The following PRDM10 variants were observed in gnomAD, a reference collection of about 807,000 sequenced individuals.
PRDM10 encodes the protein PR/SET domain 10.
PRDM10 carries 65 observed loss-of-function variants against 133.1 expected under a neutral mutation model. That is an observed-to-expected ratio of 0.49 (90% CI 0.40 to 0.60). The LOEUF is 0.60. PRDM10 is among the 20% of genes least tolerant of loss of function. The probability of loss-of-function intolerance (pLI) is 0.00; values close to 1 mark genes in which losing one functional copy is unlikely to be tolerated. For missense variants in PRDM10, 1,137 were observed against 1,507.1 expected, an observed-to-expected ratio of 0.75 and a Z score of 4.07; for synonymous variants, 582 against 580.4, an observed-to-expected ratio of 1.00 and a Z score of -0.04.
rs575867688 is a variant in PRDM10, at chr11:129,980,221, G to T, written c.-118-19139C>A. Among the ~76,000 whole-genome samples the T allele has an allele frequency of 3.3e-5, 5 of 151,194 alleles. No homozygotes were observed. The South Asian group carries it at 1.1e-3, about 32-fold the overall frequency. On this transcript the variant is annotated intron_variant, in intron 1 of 20. Coordinates refer to ENST00000360871, the MANE Select transcript of PRDM10 (RefSeq NM_199437.2). ...ACAGACCCTGGAGAAAGGAAAACAT[G>T]AATCTACACAAAGACTTAGACACAA...
chr11:129,915,538 C>T, intron 16 of PRDM10, 122 bp downstream of exon 16: 1 of 1,103,934 alleles, frequency 9.1e-7, no homozygotes, highest in Non-Finnish European at 1.3e-6. Context: ...GACAACATCT[C>T]TTTCAGTCCC....
intron 11 of PRDM10, among the ~76,000 whole-genome samples, chr11:129,927,104 C>T (rs1950700247): frequency 7.0e-6 from 1 of 143,542 alleles, no homozygotes; most frequent in Admixed American, 7.4e-5. Flanking sequence ...GCTGTAATCC[C>T]AGCTACTTGG....
intron 6 of PRDM10, among the ~76,000 whole-genome samples, chr11:129,944,271 A>G (rs1951316278): frequency 6.6e-6 from 1 of 152,110 alleles, no homozygotes; most frequent in Admixed American, 6.6e-5. Flanking sequence ...AGCCCCCCAG[A>G]ATAATTCATA....
intron 16 of PRDM10, 27 bp from the exon 17 acceptor site, chr11:129,915,045 A>T (rs1565455925): frequency 6.4e-6 from 10 of 1,550,868 alleles, no homozygotes; most frequent in Non-Finnish European, 7.9e-6. Context: ...AAAAACAAGA[A>T]TAATTATTAG....
chr11:129,925,289 C>T, intron 11 of PRDM10, 60 bp from the exon 12 acceptor site: 4 of 1,441,540 alleles, frequency 2.8e-6, no homozygotes, highest in South Asian at 1.3e-5. Context: ...AACTGGATCA[C>T]ACTTTTACAG....
In PRDM10 at chr11:129,971,834, A is replaced by C. The variant is rs193161052; in HGVS notation, c.-118-10752T>G. On this transcript the variant is annotated intron_variant, in intron 1 of 20. Transcript: ENST00000360871. ...TGCCAGTCCCGTGCCGTGCGCTCGC[A>C]TTCCTCAGCCCTTGGGTGGTCGATG... Among the ~76,000 whole-genome samples, 793 of 152,344 alleles carry C rather than the reference A, an allele frequency of 5.2e-3. 2 individuals are homozygous for C. The highest frequency in any genetic ancestry group is 0.016 in the African/African-American group (659 of 41,586).
intron 10 of PRDM10, among the ~76,000 whole-genome samples, chr11:129,931,571 A>C (rs868645625): frequency 2.2e-5 from 3 of 135,480 alleles, no homozygotes; most frequent in Non-Finnish European, 4.8e-5. Context: ...ATTTTATTTT[A>C]TTTTATTTTT....
At chr11:129,984,841 C>A (rs1159854980) in intron 1 of PRDM10, among the ~76,000 whole-genome samples, 2 of 152,200 alleles carry the variant, frequency 1.3e-5, no homozygotes, top group African/African-American at 4.8e-5. Context: ...TGGCAACAGC[C>A]ATCTCCTCTG....
intron 11 of PRDM10, among the ~76,000 whole-genome samples, chr11:129,927,369 G>A (rs938599091): frequency 9.9e-5 from 15 of 152,036 alleles, no homozygotes; most frequent in African/African-American, 2.9e-4. Flanking sequence ...TATTGCTGAT[G>A]AACCAATACT....
chr11:129,908,178 A>T (rs972772941), intron 19 of PRDM10, among the ~76,000 whole-genome samples: 4 of 152,062 alleles, frequency 2.6e-5, no homozygotes, highest in Admixed American at 6.5e-5. Context: ...TTTTTAAAAA[A>T]TAGTTTTTTT....
At chr11:129,985,795 A>T (rs1565511996) in intron 1 of PRDM10, among the ~76,000 whole-genome samples, 10 of 121,880 alleles carry the variant, frequency 8.2e-5, no homozygotes, top group African/African-American at 3.5e-4. Context: ...AAAAAAAAAA[A>T]AAAAAAAAAA....
chr11:129,905,881 G>T, intron 19 of PRDM10, 140 bp from the exon 20 acceptor site: 1 of 729,966 alleles, frequency 1.4e-6, no homozygotes, highest in Non-Finnish European at 2.3e-6. Flanking sequence ...TCTTGGTGCC[G>T]TGAAAGCATC....
At chr11:129,908,450 C>T (rs1016862088) in intron 19 of PRDM10, among the ~76,000 whole-genome samples, 2 of 152,170 alleles carry the variant, frequency 1.3e-5, no homozygotes, top group South Asian at 2.1e-4. Context: ...CCACCCTGGA[C>T]GACAGAGCAA....
rs1949850962 is a variant in PRDM10 at position 129,901,805 on chromosome 11, A to T, written c.*508T>A. On this transcript the variant is annotated 3_prime_UTR_variant, in exon 21 of 21. Coordinates refer to ENST00000360871, the MANE Select transcript of PRDM10 (RefSeq NM_199437.2). ...GTCAAACTTTTGTTTCATCATTTTA[A>T]TTTTGTTATTCAGCAGGCTCCCTTT... 1 of 152,594 alleles carries T rather than the reference A, an allele frequency of 6.6e-6. No homozygotes were observed. The allele number at this position is 152,594 out of a possible 1,614,324, so 9.5% of individuals were successfully genotyped here. A position where few individuals can be genotyped will look rare whatever the true frequency, so the allele number is the denominator to read the frequency against.
At chr11:129,993,235 T>C (rs936521504) in intron 1 of PRDM10, among the ~76,000 whole-genome samples, 2 of 152,240 alleles carry the variant, frequency 1.3e-5, no homozygotes, top group African/African-American at 2.4e-5. Flanking sequence ...TTTCTCCTTT[T>C]CTGAAGTGGC....
Position 129,942,546 on chromosome 11 carries a change from G to A in PRDM10, c.846C>T (p.Asn282=). 6.2e-7 allele frequency: 1 copy of A among 1,613,376 alleles called. No individual in the cohort carries two copies. Among genetic ancestry groups the A allele is most frequent in the Non-Finnish European group, 8.5e-7 (1 of 1,179,784 alleles). The change falls in exon 7 of 21, where the codon AAC becomes AAT. Residue 282 remains asparagine (N), a synonymous_variant. Transcript: ENST00000360871. ...GGGCTGGCCGTACAAACATCATCCA[G>A]TTACAAAGCGTCTCATCAGACAACT... ...WFELSDETLC[N]WMMFVRPAQN...
At chr11:129,965,044 G>A (rs1450028769) in intron 1 of PRDM10, among the ~76,000 whole-genome samples, 2 of 152,114 alleles carry the variant, frequency 1.3e-5, no homozygotes, top group African/African-American at 2.4e-5. Flanking sequence ...GGTGGCTCAC[G>A]CCTGTAATCC....
intron 11 of PRDM10, among the ~76,000 whole-genome samples, chr11:129,925,772 T>A (rs1441653493): frequency 2.6e-5 from 4 of 152,030 alleles, no homozygotes; most frequent in Non-Finnish European, 4.4e-5. Flanking sequence ...AGCGGCAGGA[T>A]GGAGAAGGAA....
At chr11:129,963,844 T>C (rs974755863) in intron 1 of PRDM10, among the ~76,000 whole-genome samples, 2 of 152,164 alleles carry the variant, frequency 1.3e-5, no homozygotes, top group African/African-American at 4.8e-5. Flanking sequence ...GAATGTCCTT[T>C]AAAAAGAATA....
Sources: gnomAD v4.1 joint callset for allele counts (sites outside exome capture counted in the v4.1 genomes callset) on GRCh38, gnomAD v4.1.1 for gene constraint, MANE v1.5 for transcripts, NCBI Gene and HGNC (gene_info 2026-07-23, HGNC 2026-07-21) for gene names.